Variants in B3GALNT2 observed in about 807,000 individuals in gnomAD.
B3GALNT2 encodes beta-1,3-N-acetylgalactosaminyltransferase 2.
In B3GALNT2, 53 loss-of-function variants were observed where a neutral mutation model predicts 61.1. The observed-to-expected ratio is 0.87, with a 90% CI of 0.70 to 1.09. B3GALNT2 has a LOEUF of 1.09. Ranked by LOEUF, B3GALNT2 falls within the 50% of genes least tolerant of loss-of-function variation. B3GALNT2 has a pLI of 0.00. For synonymous variants in B3GALNT2, 223 were observed against 237.4 expected, an observed-to-expected ratio of 0.94 and a Z score of 0.56; for missense variants, 544 against 623.0, an observed-to-expected ratio of 0.87 and a Z score of 1.35.
intron 1 of B3GALNT2, among the ~76,000 whole-genome samples, chr1:235,502,892 A>C (rs1410146829): frequency 6.6e-6 from 1 of 152,180 alleles, no homozygotes; most frequent in South Asian, 2.1e-4. Context: ...CTTCACAAAA[A>C]CCTAAAAAAC....
At position 235,480,114 on chromosome 1, in the gene B3GALNT2, G is replaced by T. The variant is rs1476677060; in HGVS notation, c.591C>A (p.Ser197Arg). 1 of 1,613,838 alleles carries T rather than the reference G, an allele frequency of 6.2e-7. No homozygotes were observed. Among genetic ancestry groups the T allele is most frequent in the African/African-American group, 1.3e-5 (1 of 74,906 alleles). ...ACAGCTTGTTCACCTGCACACCACA[G>T]CTTGGAGGACTGAAGCGAGCAATGA... Reference protein sequence around the residue: ...ALFIARFSPPSCGVQVNKLWY... With the variant: ...ALFIARFSPPRCGVQVNKLWY... Residue 197 changes from serine (S) to arginine (R), a missense_variant, in exon 5 of 12, where the codon AGC (serine) becomes AGA (arginine). Coordinates refer to ENST00000366600, the MANE Select transcript of B3GALNT2 (RefSeq NM_152490.5).
At chr1:235,470,286 T>G (rs750259684) in intron 6 of B3GALNT2, among the ~76,000 whole-genome samples, 4 of 152,162 alleles carry the variant, frequency 2.6e-5, no homozygotes, top group Admixed American at 2.0e-4. Flanking sequence ...TAAAGAATGC[T>G]AACTTAAAAA....
At chr1:235,485,015 A>C (rs1219491290) in intron 3 of B3GALNT2, among the ~76,000 whole-genome samples, 1 of 152,262 alleles carries the variant, frequency 6.6e-6, no homozygotes, top group Admixed American at 6.5e-5. Context: ...AAGTCACTTC[A>C]AATAACACTG....
At position 235,494,794 on chromosome 1, in the gene B3GALNT2, A is replaced by C. The variant is rs376661806; in HGVS notation, c.147T>G (p.Thr49=). 2.5e-6 allele frequency: 4 copies of C among 1,611,228 alleles called. No individual in the cohort carries two copies. The change falls in exon 2 of 12, where the codon ACT becomes ACG. Residue 49 remains threonine, a synonymous_variant. Transcript: ENST00000366600. The stretch of plus-strand genomic sequence containing the variant: ...ACACGCCAACTACCACATCATAGTG[A>C]GTAGATTTCCACTGAGGAAATAAGG... ...QLALFPQWKS[T]HYDVVVGVLS... is the part of the protein sequence containing the mutation.
At chr1:235,484,558 C>G in intron 3 of B3GALNT2, 43 bp from the exon 4 acceptor site, 1 of 1,555,754 alleles carries the variant, frequency 6.4e-7, no homozygotes. Flanking sequence ...CAAATGTAAT[C>G]CTTTGTTTTA....
chr1:235,442,754 A>G, downstream of B3GALNT2: 1 of 1,158,674 alleles, frequency 8.6e-7, no homozygotes, highest in Non-Finnish European at 1.3e-6. Context: ...ATTTGCACTG[A>G]ATACCTCTAT....
In B3GALNT2 at chr1:235,448,281, C is replaced by T. The variant is rs1307003638; in HGVS notation, c.*1925G>A. On this transcript the variant is annotated 3_prime_UTR_variant, in exon 12 of 12. Transcript: ENST00000366600. ...CATTGCAATGATACTGTGGTCTCAT[C>T]ACATGAGCTAGTTTTACAGGTAACT... The T allele has an allele frequency of 8.7e-7, 1 of 1,147,592 alleles. No homozygotes were observed. The highest frequency in any genetic ancestry group is 1.6e-5 in the African/African-American group (1 of 64,188). 71.1% of individuals were successfully genotyped at this position (1,147,592 alleles called of 1,614,324 possible). A position where few individuals can be genotyped will look rare whatever the true frequency, so the allele number is the denominator to read the frequency against.
intron 11 of B3GALNT2, 28 bp from the exon 12 acceptor site, chr1:235,450,368 G>C (rs763994534): frequency 1.3e-5 from 21 of 1,611,238 alleles, no homozygotes; most frequent in South Asian, 2.2e-5. Flanking sequence ...AAGCCGATCT[G>C]AGAGTGGTGA....
intron 7 of B3GALNT2, chr1:235,464,586 T>C (rs1683596771): frequency 6.6e-6 from 1 of 151,788 alleles, no homozygotes; most frequent in South Asian, 2.1e-4. Context: ...AAACCCTGTC[T>C]CTACAAAACA....
At position 235,447,877 on chromosome 1, in the gene B3GALNT2, C is replaced by T. The variant is rs1032132527; in HGVS notation, c.*2329G>A. 2.0e-5 allele frequency among the ~76,000 whole-genome samples: 3 copies of T among 151,938 alleles called. No individual in the cohort carries two copies. The highest frequency in any genetic ancestry group is 7.3e-5 in the African/African-American group (3 of 41,214). ...ATGAACAGGTGGTACAAGACTCAGGCTTTCCCCTAATTACTTACTTGGGTA... is the reference window on the plus strand; with the variant it reads ...ATGAACAGGTGGTACAAGACTCAGGTTTTCCCCTAATTACTTACTTGGGTA... On this transcript the variant is annotated 3_prime_UTR_variant, in exon 12 of 12. Transcript: ENST00000366600.
At position 235,448,523 on chromosome 1, in the gene B3GALNT2, T is replaced by TTTGA; in HGVS notation, c.*1679_*1682dup. On this transcript the variant is annotated 3_prime_UTR_variant, in exon 12 of 12. Transcript: ENST00000366600. The stretch of plus-strand genomic sequence containing the variant: ...TTAAACTGTCTCTAGATAGCAACAG[T>TTTGA]TTGATTCTAAATGGAGACCATGGGT... The TTTGA allele has an allele frequency of 6.9e-7, 1 of 1,456,760 alleles. No homozygotes were observed. The highest frequency in any genetic ancestry group is 1.1e-5 in the South Asian group (1 of 87,800). The allele number at this position is 1,456,760 out of a possible 1,614,324, so 90.2% of individuals were successfully genotyped here.
At chr1:235,443,187 T>C (rs921625689), downstream of B3GALNT2, among the ~76,000 whole-genome samples, 223 of 141,940 alleles carry the variant, frequency 1.6e-3, 1 homozygote, top group African/African-American at 5.9e-3. Context: ...CACACACACA[T>C]ATATATATAC....
rs1198734905 is a variant in B3GALNT2 at position 235,448,355 on chromosome 1, T to C, written c.*1851A>G. 22 of 1,614,016 alleles carry C rather than the reference T, an allele frequency of 1.4e-5. No homozygotes were observed. The highest frequency in any genetic ancestry group is 1.8e-5 in the Non-Finnish European group (21 of 1,179,876). On this transcript the variant is annotated 3_prime_UTR_variant, in exon 12 of 12. Coordinates refer to ENST00000366600, the MANE Select transcript of B3GALNT2 (RefSeq NM_152490.5). Reference sequence around the variant, plus strand: ...TTTTCTTGTCTTTTGATAGGCTCCATGACAATTCAAAAGGTGAAGGGATTG... The same window carrying C: ...TTTTCTTGTCTTTTGATAGGCTCCACGACAATTCAAAAGGTGAAGGGATTG...
At chr1:235,490,480 C>T (rs1685012041) in intron 2 of B3GALNT2, among the ~76,000 whole-genome samples, 2 of 152,160 alleles carry the variant, frequency 1.3e-5, no homozygotes. Context: ...ATCTGCCTGC[C>T]TTGGCCTCCC....
In B3GALNT2 at chr1:235,479,692, G is replaced by GTT. The variant is rs1426499473; in HGVS notation, c.651+361_651+362insAA. On this transcript the variant is annotated intron_variant, in intron 5 of 11. Transcript: ENST00000366600. ...GACTTTTTTTTCTTTTCATTCTTTA[G>GTT]ATAAGCAAATTATTTAATTTTTACC... 4.3e-3 allele frequency: 700 copies of GTT among 164,696 alleles called. 5 individuals are homozygous for GTT. The highest frequency in any genetic ancestry group is 0.016 in the African/African-American group (671 of 41,872). 10.2% of individuals were successfully genotyped at this position (164,696 alleles called of 1,614,324 possible). A position where few individuals can be genotyped will look rare whatever the true frequency, so the allele number is the denominator to read the frequency against.
At chr1:235,456,363 GT>G (rs1302725646) in intron 8 of B3GALNT2, among the ~76,000 whole-genome samples, 1 of 152,134 alleles carries the variant, frequency 6.6e-6, no homozygotes, top group African/African-American at 2.4e-5. Flanking sequence ...TAAAAATGCA[GT>G]TTTGCTAGGG....
At chr1:235,474,307 A>G (rs1170978858) in intron 5 of B3GALNT2, among the ~76,000 whole-genome samples, 1 of 152,230 alleles carries the variant, frequency 6.6e-6, no homozygotes, top group Non-Finnish European at 1.5e-5. Context: ...AGCATGATAC[A>G]GGTTGGAAAA....
intron 7 of B3GALNT2, chr1:235,463,502 A>T (rs1285478066): frequency 6.6e-6 from 1 of 151,136 alleles, no homozygotes; most frequent in African/African-American, 2.4e-5. Flanking sequence ...GAAGTGCAAG[A>T]GACCCAGAAT....
In B3GALNT2 at chr1:235,454,198, G is replaced by A. The variant is rs1263314825; in HGVS notation, c.1269C>T (p.Val423=). 4 of 1,612,686 alleles carry A rather than the reference G, an allele frequency of 2.5e-6. No homozygotes were observed. The highest frequency in any genetic ancestry group is 2.7e-5 in the African/African-American group (2 of 74,824). Residue 423 remains valine, a synonymous_variant, in exon 10 of 12, where the codon GTC becomes GTT. Transcript: ENST00000366600. ...TCCCCGAGTTGCTTGCCAGCCACTT[G>A]ACGATGTCCTTGGAGATCACATATC... The part of the protein sequence containing the change: ...GSGYVISKDI[V]KWLASNSGRL...
Sources: allele counts gnomAD v4.1 joint callset (sites outside exome capture counted in the v4.1 genomes callset), GRCh38; gene constraint gnomAD v4.1.1; transcripts MANE v1.5; gene names NCBI Gene and HGNC (gene_info 2026-07-23, HGNC 2026-07-21).